The following PABPC4L variants were observed in gnomAD, a reference collection of about 807,000 sequenced individuals.
The protein encoded by PABPC4L is poly(A) binding protein cytoplasmic 4 like.
For missense variants in PABPC4L, 452 were observed against 451.4 expected (o/e 1.00, Z -0.01); for synonymous variants, 169 against 164.1 (o/e 1.03, Z -0.23).
At chr4:134,049,692 C>T in the PABPC4L span, among the ~76,000 whole-genome samples, 4 of 152,140 alleles carry the variant, frequency 2.6e-5, no homozygotes, top group African/African-American at 7.2e-5. Flanking sequence ...TTTTCTCCTA[C>T]GGCCAGATCA....
At chr4:134,158,285 A>G in the PABPC4L span, among the ~76,000 whole-genome samples, 1 of 151,998 alleles carries the variant, frequency 6.6e-6, no homozygotes, top group Non-Finnish European at 1.5e-5. Flanking sequence ...AGAATATTTA[A>G]CCTACAGATA....
At chr4:134,059,537 C>T in the PABPC4L span, among the ~76,000 whole-genome samples, 1 of 150,890 alleles carries the variant, frequency 6.6e-6, no homozygotes, top group African/African-American at 2.4e-5. Context: ...TTATGTTCAC[C>T]TATATACAAA....
the PABPC4L span, among the ~76,000 whole-genome samples, chr4:133,952,381 T>C: frequency 6.6e-6 from 1 of 152,042 alleles, no homozygotes; most frequent in African/African-American, 2.4e-5. Context: ...TAGGATATTT[T>C]ACTAAGGAGG....
chr4:134,007,890 CTG>C, the PABPC4L span, among the ~76,000 whole-genome samples: 1 of 151,634 alleles, frequency 6.6e-6, no homozygotes, highest in African/African-American at 2.4e-5. Flanking sequence ...AGGAGATAAA[CTG>C]TTTTACTGAA....
chr4:134,166,169 T>C, the PABPC4L span, among the ~76,000 whole-genome samples: 10 of 152,046 alleles, frequency 6.6e-5, no homozygotes, highest in African/African-American at 2.2e-4. Flanking sequence ...AACCTACATA[T>C]TGGATACAAT....
At chr4:134,079,157 A>G in the PABPC4L span, among the ~76,000 whole-genome samples, 2 of 150,860 alleles carry the variant, frequency 1.3e-5, no homozygotes, top group African/African-American at 4.9e-5. Flanking sequence ...TTTTTAGTAG[A>G]GACGGTGTTT....
chr4:134,087,164 A>G, the PABPC4L span, among the ~76,000 whole-genome samples: 5 of 152,044 alleles, frequency 3.3e-5, no homozygotes, highest in African/African-American at 1.2e-4. Flanking sequence ...ACAGTAGCAA[A>G]GACTTGGAAC....
chr4:134,167,369 G>T, the PABPC4L span, among the ~76,000 whole-genome samples: 1 of 151,812 alleles, frequency 6.6e-6, no homozygotes, highest in African/African-American at 2.4e-5. Flanking sequence ...TCCTAATACT[G>T]CTCTGAAAAA....
downstream of PABPC4L, among the ~76,000 whole-genome samples, chr4:134,192,356 T>G (rs903979632): frequency 1.3e-5 from 2 of 152,050 alleles, no homozygotes; most frequent in Non-Finnish European, 2.9e-5. Context: ...CAGACTATAT[T>G]ATTGTTGCCA....
chr4:134,144,521 GA>G, the PABPC4L span, among the ~76,000 whole-genome samples: 1 of 148,846 alleles, frequency 6.7e-6, no homozygotes, highest in Non-Finnish European at 1.5e-5. Context: ...CTGAAGCAGG[GA>G]CACAGAAAAA....
the PABPC4L span, among the ~76,000 whole-genome samples, chr4:134,088,092 G>T: frequency 6.6e-6 from 1 of 151,888 alleles, no homozygotes; most frequent in East Asian, 2.0e-4. Context: ...GATTTCTGTT[G>T]CTCCTCTTAC....
chr4:134,194,452 A>C (rs1032280976), downstream of PABPC4L, among the ~76,000 whole-genome samples: 3 of 151,898 alleles, frequency 2.0e-5, no homozygotes, highest in Admixed American at 1.3e-4. Flanking sequence ...ATTTTTGCTT[A>C]ACGTTTGAAT....
chr4:134,119,915 T>C, the PABPC4L span, among the ~76,000 whole-genome samples: 3 of 151,768 alleles, frequency 2.0e-5, no homozygotes, highest in Non-Finnish European at 4.4e-5. Context: ...TTTGTAAATG[T>C]TCATTGCTGC....
chr4:134,027,887 C>CA, the PABPC4L span, among the ~76,000 whole-genome samples: 1 of 152,098 alleles, frequency 6.6e-6, no homozygotes, highest in Admixed American at 6.6e-5. Context: ...CTGTCTGAGA[C>CA]ACCTAAAGTG....
At chr4:134,014,494 G>T in the PABPC4L span, among the ~76,000 whole-genome samples, 1 of 152,262 alleles carries the variant, frequency 6.6e-6, no homozygotes, top group East Asian at 1.9e-4. Context: ...TGCAGCCCAG[G>T]ATTCCTCCTA....
the PABPC4L span, among the ~76,000 whole-genome samples, chr4:134,129,569 A>G: frequency 2.0e-5 from 3 of 152,252 alleles, no homozygotes; most frequent in African/African-American, 7.2e-5. Context: ...TTGCTTCTGA[A>G]TGATCATTGG....
the PABPC4L span, among the ~76,000 whole-genome samples, chr4:134,166,748 C>A: frequency 6.6e-6 from 1 of 152,206 alleles, no homozygotes; most frequent in Non-Finnish European, 1.5e-5. Context: ...CCTATTCATT[C>A]CAGAGGATTC....
the PABPC4L span, among the ~76,000 whole-genome samples, chr4:134,168,102 A>G: frequency 6.6e-6 from 1 of 152,132 alleles, no homozygotes; most frequent in African/African-American, 2.4e-5. Flanking sequence ...GAATAAAACT[A>G]GAAATCAATA....
chr4:134,062,546 C>T, the PABPC4L span, among the ~76,000 whole-genome samples: 11,432 of 151,876 alleles, frequency 0.075, 593 homozygotes, highest in Non-Finnish European at 0.11. Flanking sequence ...AGTGATTAAA[C>T]AAATTGATGT....
Sources: allele counts gnomAD v4.1 joint callset (sites outside exome capture counted in the v4.1 genomes callset), GRCh38; gene constraint gnomAD v4.1.1; transcripts MANE v1.5; gene names NCBI Gene and HGNC (gene_info 2026-07-23, HGNC 2026-07-21).